Variants in DNAAF11 observed in about 807,000 individuals in gnomAD.
The protein encoded by DNAAF11 is leucine rich repeat containing 6.
A neutral mutation model predicts 60.8 loss-of-function variants in DNAAF11; 45 were observed. That is an observed-to-expected ratio of 0.74 (90% CI 0.58 to 0.95). The LOEUF (loss-of-function observed/expected upper bound fraction) is 0.95. Among genes scored for constraint, DNAAF11 ranks in the 40% least tolerant of loss-of-function variants. The pLI, the probability that DNAAF11 is intolerant of heterozygous loss-of-function variation, is 0.00. For synonymous variants in DNAAF11, 191 were observed against 183.5 expected, an observed-to-expected ratio of 1.04 and a Z score of -0.33; for missense variants, 546 against 546.2, an observed-to-expected ratio of 1.00 and a Z score of 0.00.
chr8:132,601,513 G>C (rs911132812), intron 10 of DNAAF11, among the ~76,000 whole-genome samples: 1 of 152,144 alleles, frequency 6.6e-6, no homozygotes, highest in African/African-American at 2.4e-5. Context: ...GCAAAGACTT[G>C]GAACCAACCC....
intron 10 of DNAAF11, among the ~76,000 whole-genome samples, chr8:132,586,145 C>T (rs1471722048): frequency 1.3e-5 from 2 of 151,988 alleles, no homozygotes; most frequent in East Asian, 1.9e-4. Context: ...AGAGAGAGAA[C>T]GGGGGGAAGG....
intron 5 of DNAAF11, among the ~76,000 whole-genome samples, chr8:132,629,822 G>A (rs1410449102): frequency 6.6e-6 from 1 of 152,150 alleles, no homozygotes; most frequent in African/African-American, 2.4e-5. Context: ...AGGTTAGCAA[G>A]ATTAACACAA....
At chr8:132,613,380 A>G (rs946565467) in intron 8 of DNAAF11, among the ~76,000 whole-genome samples, 6 of 152,246 alleles carry the variant, frequency 3.9e-5, no homozygotes, top group African/African-American at 1.4e-4. Flanking sequence ...CACGTGCAAC[A>G]ACATGGATGA....
intron 10 of DNAAF11, among the ~76,000 whole-genome samples, chr8:132,594,629 G>A (rs1015229588): frequency 2.6e-5 from 4 of 152,050 alleles, no homozygotes; most frequent in African/African-American, 4.8e-5. Flanking sequence ...CCCCCATGCT[G>A]TTCTCTTCAT....
chr8:132,653,605 G>A (rs1027471044), intron 3 of DNAAF11, among the ~76,000 whole-genome samples: 14 of 152,096 alleles, frequency 9.2e-5, no homozygotes, highest in Non-Finnish European at 1.5e-5. Flanking sequence ...ATATAAAGAT[G>A]TGATATGTGA....
intron 10 of DNAAF11, among the ~76,000 whole-genome samples, chr8:132,602,946 C>A (rs1024116367): frequency 6.6e-6 from 1 of 151,970 alleles, no homozygotes; most frequent in African/African-American, 2.4e-5. Context: ...GGCTGTGAGG[C>A]CTTCTGATGA....
intron 10 of DNAAF11, among the ~76,000 whole-genome samples, chr8:132,588,904 C>T (rs2131055971): frequency 6.6e-6 from 1 of 152,184 alleles, no homozygotes; most frequent in African/African-American, 2.4e-5. Flanking sequence ...GGAGGTGCCA[C>T]ACACTTTCAG....
intron 10 of DNAAF11, among the ~76,000 whole-genome samples, chr8:132,599,032 C>T (rs1187922515): frequency 6.6e-6 from 1 of 151,984 alleles, no homozygotes; most frequent in Admixed American, 6.6e-5. Flanking sequence ...GCTAGCAACA[C>T]TAATACAGAA....
chr8:132,684,997 C>T, the DNAAF11 span: 10 of 147,690 alleles, frequency 6.8e-5, no homozygotes, highest in Admixed American at 1.3e-4. Context: ...CCTATTAATC[C>T]GAGAAGGGTG....
At chr8:132,654,635 G>C (rs1451383717) in intron 3 of DNAAF11, among the ~76,000 whole-genome samples, 1 of 150,772 alleles carries the variant, frequency 6.6e-6, no homozygotes, top group East Asian at 1.9e-4. Flanking sequence ...ATGTGGGAAA[G>C]TCACAAAGAT....
At chr8:132,647,844 C>T (rs1822559130) in intron 3 of DNAAF11, among the ~76,000 whole-genome samples, 1 of 152,176 alleles carries the variant, frequency 6.6e-6, no homozygotes, top group Admixed American at 6.5e-5. Context: ...AGACCAATAA[C>T]AGGCTCTGAA....
At position 132,636,073 on chromosome 8, in the gene DNAAF11, G is replaced by A. The variant is rs531184572; in HGVS notation, c.429+1862C>T. Among the ~76,000 whole-genome samples the A allele has an allele frequency of 1.7e-4, 26 of 151,928 alleles. 1 individual carries two copies. Among genetic ancestry groups the A allele is most frequent in the African/African-American group, 6.3e-4 (26 of 41,406 alleles). On this transcript the variant is annotated intron_variant, in intron 4 of 11. Coordinates refer to ENST00000620350, the MANE Select transcript of DNAAF11 (RefSeq NM_012472.6). ...TTCTGTTGTCTAAGCCATCTAGTTT[G>A]CAGTACTTTGTTACAGCAGCCCTAG...
chr8:132,647,403 C>G (rs1822507890), intron 3 of DNAAF11, among the ~76,000 whole-genome samples: 1 of 152,014 alleles, frequency 6.6e-6, no homozygotes, highest in Non-Finnish European at 1.5e-5. Flanking sequence ...TAAATGACCA[C>G]AAGAGAAAGC....
the DNAAF11 span, among the ~76,000 whole-genome samples, chr8:132,689,478 A>G: frequency 7.4e-6 from 1 of 135,422 alleles, no homozygotes; most frequent in South Asian, 2.6e-4. Context: ...AGTTAATAAT[A>G]TCACCTCAGC....
chr8:132,677,119 G>A (rs879924602), upstream of DNAAF11, among the ~76,000 whole-genome samples: 8 of 152,146 alleles, frequency 5.3e-5, no homozygotes, highest in African/African-American at 9.7e-5. Flanking sequence ...CCACTGACAC[G>A]CTGACACTGA....
chr8:132,612,153 C>A (rs1044521369), intron 8 of DNAAF11, among the ~76,000 whole-genome samples: 1 of 152,154 alleles, frequency 6.6e-6, no homozygotes, highest in Non-Finnish European at 1.5e-5. Context: ...CCTGGGACCA[C>A]ATTCCTTAAC....
At chr8:132,655,966 T>C (rs1009280545) in intron 3 of DNAAF11, among the ~76,000 whole-genome samples, 4 of 152,200 alleles carry the variant, frequency 2.6e-5, no homozygotes, top group Non-Finnish European at 5.9e-5. Context: ...TTTCCAAATA[T>C]GCTGATTTAA....
At chr8:132,575,838 T>A (rs1049763364) in intron 11 of DNAAF11, among the ~76,000 whole-genome samples, 2 of 152,110 alleles carry the variant, frequency 1.3e-5, no homozygotes, top group African/African-American at 4.8e-5. Context: ...AGCGGGAGTG[T>A]CTGGCCCAGT....
chr8:132,647,741 G>A (rs1054974107), intron 3 of DNAAF11, among the ~76,000 whole-genome samples: 90 of 152,140 alleles, frequency 5.9e-4, no homozygotes, highest in Admixed American at 5.2e-3. Flanking sequence ...ACACCTCTAC[G>A]CAAATAAACT....
Sources: gnomAD v4.1 joint callset for allele counts (sites outside exome capture counted in the v4.1 genomes callset) on GRCh38, gnomAD v4.1.1 for gene constraint, MANE v1.5 for transcripts, NCBI Gene and HGNC (gene_info 2026-07-23, HGNC 2026-07-21) for gene names.